Variants in FAM210B observed in about 807,000 individuals in gnomAD.
The protein encoded by FAM210B is family with sequence similarity 210 member B.
Under a neutral mutation model 14.9 loss-of-function variants are expected in FAM210B, and 11 were observed. The observed-to-expected ratio is 0.74, with a 90% CI of 0.46 to 1.22. The LOEUF (loss-of-function observed/expected upper bound fraction) is 1.22, where lower values mean the gene tolerates loss of function less well. Ranked by LOEUF, FAM210B falls within the 50% of genes most tolerant of loss-of-function variation. The probability of loss-of-function intolerance (pLI) is 0.00; values close to 1 mark genes in which losing one functional copy is unlikely to be tolerated. For synonymous variants in FAM210B, 113 were observed against 110.2 expected (o/e 1.03, Z -0.16); for missense variants, 229 against 250.1 (o/e 0.92, Z 0.57).
intron 2 of FAM210B, 66 bp downstream of exon 2, chr20:56,365,328 A>T: frequency 6.5e-7 from 1 of 1,538,292 alleles, no homozygotes; most frequent in Admixed American, 1.9e-5. Flanking sequence ...GTGAATAAGA[A>T]CGTGTTTGCT....
chr20:56,366,227 C>T lies in FAM210B; in HGVS notation c.519C>T (p.Pro173=), dbSNP rs1490445252. Residue 173 remains proline (P), a synonymous_variant, in exon 3 of 3, where the codon CCC becomes CCT. Transcript: ENST00000371384. ...VRISITLVSV[P]LIVRYFRKVG... is the part of the protein sequence containing the mutation. ...TCAGCATTACGCTAGTCTCTGTGCCCTTGATTGTCAGATATTTTCGAAAAG... is the reference window on the plus strand; with the variant it reads ...TCAGCATTACGCTAGTCTCTGTGCCTTTGATTGTCAGATATTTTCGAAAAG... The T allele has an allele frequency of 6.2e-7, 1 of 1,614,030 alleles. No individual in the cohort carries two copies. Among genetic ancestry groups the T allele is most frequent in the African/African-American group, 1.3e-5 (1 of 74,900 alleles).
intron 1 of FAM210B, among the ~76,000 whole-genome samples, chr20:56,361,586 A>C (rs978798200): frequency 6.6e-6 from 1 of 152,024 alleles, no homozygotes; most frequent in Admixed American, 6.5e-5. Context: ...AAATTACTCA[A>C]CCTCTCTGGG....
intron 1 of FAM210B, among the ~76,000 whole-genome samples, chr20:56,361,014 G>A (rs1253919221): frequency 2.0e-5 from 3 of 152,226 alleles, no homozygotes; most frequent in Admixed American, 1.3e-4. Flanking sequence ...CGCTGCCTTG[G>A]CAGGGGGTCT....
rs1485450339 is a variant in FAM210B, at chr20:56,359,526, T to C, written c.186+335T>C. 6.6e-6 allele frequency among the ~76,000 whole-genome samples: 1 copy of C among 152,182 alleles called. No individual in the cohort carries two copies. The highest frequency in any genetic ancestry group is 6.5e-5 in the Admixed American group (1 of 15,280). ...AACTTCCACACGTTGCCTGCGGAGTTGTTGTCCAGGCCTTCTGGCTGGGTC... is the reference window on the plus strand; with the variant it reads ...AACTTCCACACGTTGCCTGCGGAGTCGTTGTCCAGGCCTTCTGGCTGGGTC... On this transcript the variant is annotated intron_variant, in intron 1 of 2. Coordinates refer to ENST00000371384, the MANE Select transcript of FAM210B (RefSeq NM_080821.3). This position sits in a 1 kb window ranked among gnomAD's most constrained non-coding sequence, Gnocchi z 4.3.
rs189766136 is a variant in FAM210B at position 56,362,815 on chromosome 20, A to G, written c.187-2272A>G. Among the ~76,000 whole-genome samples the G allele has an allele frequency of 9.2e-5, 14 of 152,338 alleles. No homozygotes were observed. Among genetic ancestry groups the G allele is most frequent in the Admixed American group, 5.2e-4 (8 of 15,306 alleles). On this transcript the variant is annotated intron_variant, in intron 1 of 2. Coordinates refer to ENST00000371384, the MANE Select transcript of FAM210B (RefSeq NM_080821.3). This position sits in a 1 kb window ranked among gnomAD's most constrained non-coding sequence, Gnocchi z 4.8. ...AAGTCCTTTTGCCAAAATAAAGACT[A>G]TAAAGAAGAGGGCCCTCGCAGAGAC...
At chr20:56,361,562 G>C (rs1374842502) in intron 1 of FAM210B, among the ~76,000 whole-genome samples, 1 of 152,222 alleles carries the variant, frequency 6.6e-6, no homozygotes, top group Non-Finnish European at 1.5e-5. Context: ...AGTAATCCCT[G>C]TGTGATCCTT....
chr20:56,360,559 G>A (rs549928377), intron 1 of FAM210B: 22 of 203,758 alleles, frequency 1.1e-4, no homozygotes, highest in African/African-American at 4.8e-4. Context: ...TCTATCTCAG[G>A]CCCCTCATCT....
At chr20:56,361,804 CCGTCTCTA>C (rs1458128015) in intron 1 of FAM210B, among the ~76,000 whole-genome samples, 2 of 151,986 alleles carry the variant, frequency 1.3e-5, no homozygotes, top group Non-Finnish European at 2.9e-5. Context: ...TAATGAAGCC[CCGTCTCTA>C]CTAAAAATAC....
rs368053923 is a variant in FAM210B, at chr20:56,367,407, GGCAGGC to G, written c.*1122_*1127del. On this transcript the variant is annotated 3_prime_UTR_variant, in exon 3 of 3. Transcript: ENST00000371384. ...TAATCCCAGCACTTTGGGAGGTTGA[GGCAGGC>G]GTGTCACTTGAGGCCAGGAGTTCGA... 12 of 152,400 alleles carry G rather than the reference GGCAGGC, an allele frequency of 7.9e-5. No individual in the cohort carries two copies. The highest frequency in any genetic ancestry group is 2.9e-4 in the African/African-American group (12 of 41,464). 9.4% of individuals were successfully genotyped at this position (152,400 alleles called of 1,614,324 possible).
chr20:56,361,588 C>T (rs1445457068), intron 1 of FAM210B, among the ~76,000 whole-genome samples: 4 of 152,194 alleles, frequency 2.6e-5, no homozygotes, highest in African/African-American at 9.7e-5. Context: ...ATTACTCAAC[C>T]TCTCTGGGCT....
Position 56,366,222 on chromosome 20 carries a change from G to T in FAM210B, c.514G>T (p.Val172Leu). 6.2e-7 allele frequency: 1 copy of T among 1,614,168 alleles called. No homozygotes were observed. The highest frequency in any genetic ancestry group is 8.5e-7 in the Non-Finnish European group (1 of 1,180,036). The stretch of plus-strand genomic sequence containing the variant: ...GAGAATCAGCATTACGCTAGTCTCT[G>T]TGCCCTTGATTGTCAGATATTTTCG... ...PVRISITLVS[V>L]PLIVRYFRKV... is the part of the protein sequence containing the mutation. Residue 172 changes from valine (V) to leucine (L), a missense_variant, in exon 3 of 3, where the codon GTG becomes TTG. Val to Leu is a conservative substitution (Grantham distance 32). Coordinates refer to ENST00000371384, the MANE Select transcript of FAM210B (RefSeq NM_080821.3).
chr20:56,360,926 G>C (rs1273453884), intron 1 of FAM210B, among the ~76,000 whole-genome samples: 1 of 152,320 alleles, frequency 6.6e-6, no homozygotes, highest in East Asian at 1.9e-4. Context: ...CACCCTCGTC[G>C]GGAGGTAGGA....
chr20:56,360,662 G>A (rs1983514527), intron 1 of FAM210B: 1 of 165,092 alleles, frequency 6.1e-6, no homozygotes, highest in African/African-American at 2.4e-5. Flanking sequence ...CTAAATTAAG[G>A]TTAGAAATGA....
chr20:56,362,094 A>G lies in FAM210B; in HGVS notation c.186+2903A>G, dbSNP rs904179586. Among the ~76,000 whole-genome samples, 2 of 152,192 alleles carry G rather than the reference A, an allele frequency of 1.3e-5. No individual in the cohort carries two copies. The highest frequency in any genetic ancestry group is 4.8e-5 in the African/African-American group (2 of 41,452). Reference sequence around the variant, plus strand: ...AGTGTTAGGATTACAAGCATGAGTCACCGTGCCCAGCCAATATTTTCAAAG... The same window carrying G: ...AGTGTTAGGATTACAAGCATGAGTCGCCGTGCCCAGCCAATATTTTCAAAG... On this transcript the variant is annotated intron_variant, in intron 1 of 2. Coordinates refer to ENST00000371384, the MANE Select transcript of FAM210B (RefSeq NM_080821.3). This position sits in a 1 kb window ranked among gnomAD's most constrained non-coding sequence, Gnocchi z 4.8.
rs1368577229 is a variant in FAM210B at position 56,362,049 on chromosome 20, C to G, written c.186+2858C>G. ...TGAACTTCTGGCCTCAAGCAATCCTCCTACACCTCAGCTTCCCAAAGTGTT... is the reference window on the plus strand; with the variant it reads ...TGAACTTCTGGCCTCAAGCAATCCTGCTACACCTCAGCTTCCCAAAGTGTT... On this transcript the variant is annotated intron_variant, in intron 1 of 2. Transcript: ENST00000371384. The surrounding 1 kb of genome is among the most constrained non-coding windows in gnomAD (Gnocchi z 4.8). Among the ~76,000 whole-genome samples the G allele has an allele frequency of 6.6e-6, 1 of 152,122 alleles. No homozygotes were observed. The highest frequency in any genetic ancestry group is 1.9e-4 in the East Asian group (1 of 5,200).
In FAM210B at chr20:56,358,986, G is replaced by A; in HGVS notation, c.-20G>A. On this transcript the variant is annotated 5_prime_UTR_variant, in exon 1 of 3. Transcript: ENST00000371384. ...CGCCTCCCGGGTCAGCGGCGCGGGT[G>A]CTGCGCCTAGCTGCGCACCATGGCC... 2 of 1,226,468 alleles carry A rather than the reference G, an allele frequency of 1.6e-6. No individual in the cohort carries two copies. Among genetic ancestry groups the A allele is most frequent in the Middle Eastern group, 3.3e-4 (1 of 3,054 alleles). The allele number at this position is 1,226,468 out of a possible 1,614,324, so 76.0% of individuals were successfully genotyped here. A position where few individuals can be genotyped will look rare whatever the true frequency, so the allele number is the denominator to read the frequency against.
rs2146106269 is a variant in FAM210B, at chr20:56,359,139, G to T, written c.134G>T (p.Arg45Met). ...CTGGCCCTGGCCCTGCTCCCGCCCA[G>T]GCTAGACGCCCGGCTGCTCCGCACG... The part of the protein sequence containing the change: ...PPLALALLPP[R>M]LDARLLRTAR... Residue 45 changes from arginine (R) to methionine (M), a missense_variant, in exon 1 of 3, where the codon AGG (arginine) becomes ATG (methionine). Arg to Met is a moderately conservative substitution (Grantham distance 91, BLOSUM62 -1). Transcript: ENST00000371384. The surrounding 1 kb of genome is among the most constrained non-coding windows in gnomAD (Gnocchi z 4.3). 1 of 1,266,604 alleles carries T rather than the reference G, an allele frequency of 7.9e-7. No homozygotes were observed. Among genetic ancestry groups the T allele is most frequent in the Non-Finnish European group, 9.9e-7 (1 of 1,012,988 alleles). 78.5% of individuals were successfully genotyped at this position (1,266,604 alleles called of 1,614,324 possible).
intron 1 of FAM210B, among the ~76,000 whole-genome samples, chr20:56,364,044 A>G (rs1983583134): frequency 6.6e-6 from 1 of 152,164 alleles, no homozygotes; most frequent in Admixed American, 6.5e-5. Context: ...GGAAGGAGAA[A>G]GGGTTGGAGG....
At position 56,359,585 on chromosome 20, in the gene FAM210B, GCTCCT is replaced by G. The variant is rs143476638; in HGVS notation, c.186+396_186+400del. ...TTTTGAACACCTCCCGACGCTCGCT[GCTCCT>G]CCCTTTTCTTCTGAGTGGAAGAGCA... On this transcript the variant is annotated intron_variant, in intron 1 of 2. Coordinates refer to ENST00000371384, the MANE Select transcript of FAM210B (RefSeq NM_080821.3). This position sits in a 1 kb window ranked among gnomAD's most constrained non-coding sequence, Gnocchi z 4.3. 2.8e-3 allele frequency among the ~76,000 whole-genome samples: 420 copies of G among 152,340 alleles called. 2 individuals are homozygous for G. The highest frequency in any genetic ancestry group is 9.9e-3 in the African/African-American group (410 of 41,580).
Sources: allele counts gnomAD v4.1 joint callset (sites outside exome capture counted in the v4.1 genomes callset), GRCh38; gene constraint gnomAD v4.1.1; non-coding constraint Gnocchi (gnomAD v3.1); transcripts MANE v1.5; gene names NCBI Gene and HGNC (gene_info 2026-07-23, HGNC 2026-07-21).